The following CDH18 variants were observed in gnomAD, a reference collection of about 807,000 sequenced individuals.
The protein encoded by CDH18 is cadherin 18, also known as cadherin-18.
Under a neutral mutation model 67.9 loss-of-function variants are expected in CDH18, and 31 were observed. The observed-to-expected ratio is 0.46, with a 90% CI of 0.34 to 0.62. The LOEUF is 0.62. CDH18 is among the 20% of genes least tolerant of loss of function. CDH18 has a pLI of 0.01. For missense variants in CDH18, 890 were observed against 975.5 expected, an observed-to-expected ratio of 0.91 and a Z score of 1.17; for synonymous variants, 362 against 347.2, an observed-to-expected ratio of 1.04 and a Z score of -0.48.
intron 3 of CDH18, among the ~76,000 whole-genome samples, chr5:19,774,381 C>G (rs1774053421): frequency 8.3e-6 from 1 of 120,860 alleles, no homozygotes. Context: ...CCACAGCACT[C>G]CAGCCTGGGC....
intron 1 of CDH18, among the ~76,000 whole-genome samples, chr5:20,302,623 C>T (rs1168001533): frequency 3.3e-5 from 5 of 152,272 alleles, no homozygotes; most frequent in African/African-American, 7.2e-5. Flanking sequence ...CATATTTGAT[C>T]ATAAAATTGC....
At chr5:20,099,589 C>G (rs1163994023) in intron 2 of CDH18, among the ~76,000 whole-genome samples, 1 of 146,342 alleles carries the variant, frequency 6.8e-6, no homozygotes, top group East Asian at 2.0e-4. Flanking sequence ...CAACATTTTT[C>G]TAATATCAAG....
intron 1 of CDH18, among the ~76,000 whole-genome samples, chr5:20,480,377 A>G (rs1356677747): frequency 1.3e-5 from 2 of 152,138 alleles, no homozygotes; most frequent in Non-Finnish European, 2.9e-5. Context: ...AGTAACAAAT[A>G]GTTCAATAAG....
chr5:19,887,729 GT>G lies in CDH18; in HGVS notation c.-256-48488del, dbSNP rs777312301. On this transcript the variant is annotated intron_variant, in intron 2 of 12. Coordinates refer to ENST00000382275, the MANE Select transcript of CDH18 (RefSeq NM_004934.5). ...TGACCACAGGTGCACACCACCATGT[GT>G]TTTTTTTTTTTTTAATTTTTTTGTA... is the stretch of plus-strand genomic sequence containing the variant. Among the ~76,000 whole-genome samples the G allele has an allele frequency of 5.6e-3, 775 of 137,962 alleles. 6 individuals carry two copies. The highest frequency in any genetic ancestry group is 0.016 in the African/African-American group (593 of 37,874). The allele number at this position is 137,962 out of a possible 152,430, so 90.5% of individuals were successfully genotyped here.
intron 8 of CDH18, among the ~76,000 whole-genome samples, chr5:19,569,622 T>A (rs1741022716): frequency 1.3e-5 from 2 of 152,126 alleles, no homozygotes; most frequent in East Asian, 3.8e-4. Flanking sequence ...TACTATAATA[T>A]CGCACGTTAC....
chr5:19,702,136 TTCTTTC>T (rs1344740485), intron 5 of CDH18, among the ~76,000 whole-genome samples: 5 of 141,306 alleles, frequency 3.5e-5, no homozygotes, highest in African/African-American at 1.1e-4. Flanking sequence ...TGTTCTTTCT[TTCTTTC>T]TCTCTCTTTT....
chr5:20,347,729 G>A (rs959492104), intron 1 of CDH18, among the ~76,000 whole-genome samples: 2 of 152,130 alleles, frequency 1.3e-5, no homozygotes, highest in African/African-American at 4.8e-5. Flanking sequence ...ATGGATTTTG[G>A]TTAAGCATTC....
At chr5:20,314,730 C>A (rs924053986) in intron 1 of CDH18, among the ~76,000 whole-genome samples, 55 of 152,014 alleles carry the variant, frequency 3.6e-4, no homozygotes, top group Non-Finnish European at 2.1e-4. Flanking sequence ...ATCATAAATT[C>A]TTTTCTATAT....
Position 19,473,471 on chromosome 5 carries a change from T to C in CDH18, c.2128A>G (p.Ile710Val). The C allele has an allele frequency of 1.9e-6, 3 of 1,613,654 alleles. No homozygotes were observed. The highest frequency in any genetic ancestry group is 2.7e-5 in the African/African-American group (2 of 74,858). Residue 710 changes from isoleucine to valine, a missense_variant, in exon 13 of 13, where the codon ATA becomes GTA. Around this residue, in one of 2 missense-constraint regions of CDH18, gnomAD observed 656 missense variants for 668.1 expected, o/e 0.98. Coordinates refer to ENST00000382275, the MANE Select transcript of CDH18 (RefSeq NM_004934.5). ...RHQTSSTLES[I>V]DVQEFIKQRL... ...TGCTTAATAAATTCCTGAACATCTATGCTTTCCAGGGTGGATGATGTCTGG... is the reference window on the plus strand; with the variant it reads ...TGCTTAATAAATTCCTGAACATCTACGCTTTCCAGGGTGGATGATGTCTGG...
intron 1 of CDH18, among the ~76,000 whole-genome samples, chr5:20,521,612 G>T (rs545545037): frequency 1.3e-5 from 2 of 152,266 alleles, no homozygotes; most frequent in East Asian, 3.9e-4. Context: ...ACATGGGGCA[G>T]TAGTTGAAGG....
At chr5:20,385,456 T>G (rs1744238810) in intron 1 of CDH18, among the ~76,000 whole-genome samples, 1 of 152,158 alleles carries the variant, frequency 6.6e-6, no homozygotes, top group Admixed American at 6.6e-5. Flanking sequence ...AAAATGAGAA[T>G]CCTGTGACTT....
chr5:19,474,308 G>A (rs559082399), intron 12 of CDH18, among the ~76,000 whole-genome samples: 1 of 151,936 alleles, frequency 6.6e-6, no homozygotes, highest in Non-Finnish European at 1.5e-5. Context: ...TCCCATTCAG[G>A]GACAAAATAA....
chr5:20,483,687 A>T (rs1198214428), intron 1 of CDH18, among the ~76,000 whole-genome samples: 2 of 151,798 alleles, frequency 1.3e-5, no homozygotes, highest in African/African-American at 4.8e-5. Flanking sequence ...AAAAGGACAC[A>T]CACATCAATA....
chr5:20,548,409 G>A lies in CDH18; in HGVS notation c.-580+27053C>T, dbSNP rs527450603. On this transcript the variant is annotated intron_variant, in intron 1 of 14. Coordinates refer to the CDH18 transcript ENST00000507958. ...ATACTTATTCAGGAAGTAAATGCCT[G>A]TATGGATTGTCAGGTAATAGAGAAC... Among the ~76,000 whole-genome samples the A allele has an allele frequency of 1.9e-4, 29 of 151,096 alleles. 1 individual carries two copies. Among genetic ancestry groups the A allele is most frequent in the Non-Finnish European group, 3.5e-4 (24 of 67,758 alleles).
chr5:20,184,075 A>T (rs191263565), intron 2 of CDH18, among the ~76,000 whole-genome samples: 15 of 152,196 alleles, frequency 9.9e-5, no homozygotes, highest in Admixed American at 7.9e-4. Context: ...CAGGGCACTG[A>T]AATAGTGTAA....
At chr5:20,070,211 T>C (rs1743354346) in intron 2 of CDH18, among the ~76,000 whole-genome samples, 1 of 152,232 alleles carries the variant, frequency 6.6e-6, no homozygotes, top group African/African-American at 2.4e-5. Context: ...TTTATGTCTT[T>C]TTATGGCTTG....
chr5:20,016,915 C>G (rs1317470225), intron 2 of CDH18, among the ~76,000 whole-genome samples: 2 of 152,010 alleles, frequency 1.3e-5, no homozygotes, highest in Non-Finnish European at 2.9e-5. Flanking sequence ...TCAAAAGTAC[C>G]ATGAATGTAC....
chr5:20,185,356 C>G (rs776633327), intron 2 of CDH18, among the ~76,000 whole-genome samples: 1 of 152,016 alleles, frequency 6.6e-6, no homozygotes, highest in Non-Finnish European at 1.5e-5. Flanking sequence ...AGTATATTTA[C>G]AACACAGCAC....
Position 20,172,224 on chromosome 5 carries a change from G to GTATATATATATA in CDH18, c.-518+83208_-518+83219dup, listed in dbSNP as rs72180276. Among the ~76,000 whole-genome samples, 2 of 19,530 alleles carry GTATATATATATA rather than the reference G, an allele frequency of 1.0e-4. 1 individual carries two copies. Among genetic ancestry groups the GTATATATATATA allele is most frequent in the Non-Finnish European group, 1.9e-4 (2 of 10,658 alleles). 12.8% of individuals were successfully genotyped at this position (19,530 alleles called of 152,430 possible). A position where few individuals can be genotyped will look rare whatever the true frequency, so the allele number is the denominator to read the frequency against. ...TATATATATATATATATATATATATGTATATATATATATATGTATATATAT... is the reference window on the plus strand; with the variant it reads ...TATATATATATATATATATATATATGTATATATATATATATATATATATATATGTATATATAT... On this transcript the variant is annotated intron_variant, in intron 2 of 14. Transcript: ENST00000507958.
Sources: allele counts gnomAD v4.1 joint callset (sites outside exome capture counted in the v4.1 genomes callset), GRCh38; gene constraint gnomAD v4.1.1; regional missense constraint gnomAD v4.1.1; transcripts MANE v1.5; gene names NCBI Gene and HGNC (gene_info 2026-07-23, HGNC 2026-07-21).